The following PLCE1 variants were observed in gnomAD, a reference collection of about 807,000 sequenced individuals.
The protein encoded by PLCE1 is phospholipase C epsilon 1.
A neutral mutation model predicts 242.8 loss-of-function variants in PLCE1; 119 were observed. The ratio of observed to expected loss-of-function variants is 0.49; its 90% CI spans 0.42 to 0.57. The LOEUF is 0.57. Among genes scored for constraint, PLCE1 ranks in the 20% least tolerant of loss-of-function variants. PLCE1 has a pLI of 0.00. For synonymous variants in PLCE1, 945 were observed against 1,017.4 expected, an observed-to-expected ratio of 0.93 and a Z score of 1.35; for missense variants, 2,441 against 2,788.8, an observed-to-expected ratio of 0.88 and a Z score of 2.81.
intron 2 of PLCE1, among the ~76,000 whole-genome samples, chr10:94,099,011 T>C (rs1180516347): frequency 1.3e-5 from 2 of 152,178 alleles, no homozygotes; most frequent in Non-Finnish European, 2.9e-5. Context: ...GGAAGTGCCT[T>C]TGCTTGGCTC....
intron 14 of PLCE1, among the ~76,000 whole-genome samples, chr10:94,263,061 G>A (rs1253046510): frequency 2.0e-5 from 3 of 151,914 alleles, no homozygotes; most frequent in South Asian, 2.1e-4. Context: ...TAGTAGAGAT[G>A]GGGTTTCACC....
At chr10:94,217,741 C>G (rs1306774474) in intron 4 of PLCE1, among the ~76,000 whole-genome samples, 1 of 152,160 alleles carries the variant, frequency 6.6e-6, no homozygotes, top group African/African-American at 2.4e-5. Flanking sequence ...AACCCAATTT[C>G]TGAGTACAGT....
chr10:94,057,521 G>A (rs2043940454), intron 2 of PLCE1, among the ~76,000 whole-genome samples: 1 of 152,152 alleles, frequency 6.6e-6, no homozygotes, highest in African/African-American at 2.4e-5. Flanking sequence ...TGTAGAGGTA[G>A]AGTTATGGGG....
intron 2 of PLCE1, among the ~76,000 whole-genome samples, chr10:94,123,963 C>A (rs947877453): frequency 1.3e-5 from 2 of 151,892 alleles, no homozygotes; most frequent in African/African-American, 4.8e-5. Flanking sequence ...GTCACTAATG[C>A]GAAATGGCAG....
chr10:94,079,568 T>C (rs1410059009), intron 2 of PLCE1, among the ~76,000 whole-genome samples: 3 of 152,126 alleles, frequency 2.0e-5, no homozygotes. Flanking sequence ...CTGTACGTTC[T>C]GCACATGTAT....
chr10:94,190,187 G>C lies in PLCE1; in HGVS notation c.1809+18691G>C, dbSNP rs374910353. On this transcript the variant is annotated intron_variant, in intron 4 of 32. Transcript: ENST00000371380. ...CCCAGCTACTCAGGAGGCTGAGGTG[G>C]GAGGATGGCTTGTGCCCAGGAGGCA... is the stretch of plus-strand genomic sequence containing the variant. Among the ~76,000 whole-genome samples, 38 of 152,316 alleles carry C rather than the reference G, an allele frequency of 2.5e-4. 2 individuals are homozygous for C. The East Asian group carries it at 3.9e-3, about 15-fold the overall frequency.
At chr10:94,264,956 T>C (rs1402330444) in intron 14 of PLCE1, among the ~76,000 whole-genome samples, 1 of 152,220 alleles carries the variant, frequency 6.6e-6, no homozygotes. Flanking sequence ...AGTAAGACCC[T>C]GTCTCTAAAA....
At chr10:94,008,370 A>G (rs1247890054) in intron 1 of PLCE1, among the ~76,000 whole-genome samples, 2 of 152,064 alleles carry the variant, frequency 1.3e-5, no homozygotes, top group Non-Finnish European at 2.9e-5. Flanking sequence ...GTGCAGTGGC[A>G]TGATCTCAGC....
At chr10:94,300,779 G>T (rs1032290564) in intron 24 of PLCE1, among the ~76,000 whole-genome samples, 9 of 152,182 alleles carry the variant, frequency 5.9e-5, no homozygotes, top group African/African-American at 2.2e-4. Flanking sequence ...AGATAGATAA[G>T]GCCAGGTGCA....
intron 4 of PLCE1, among the ~76,000 whole-genome samples, chr10:94,184,120 C>T (rs2048395136): frequency 6.6e-6 from 1 of 152,162 alleles, no homozygotes; most frequent in Admixed American, 6.5e-5. Context: ...TGAAACCAGC[C>T]ATCATTGCAC....
At chr10:94,042,594 C>A (rs1459110388) in intron 2 of PLCE1, among the ~76,000 whole-genome samples, 2 of 152,132 alleles carry the variant, frequency 1.3e-5, no homozygotes, top group African/African-American at 4.8e-5. Context: ...AGTCCCTGAG[C>A]TCTTTTTTTT....
chr10:94,304,793 A>G (rs2133615586), intron 25 of PLCE1, 148 bp downstream of exon 25: 15 of 780,812 alleles, frequency 1.9e-5, no homozygotes, highest in South Asian at 1.1e-4. Context: ...TTTATTTTCC[A>G]GGAAGCAGTA....
At chr10:94,172,277 G>A (rs901956719) in intron 4 of PLCE1, among the ~76,000 whole-genome samples, 1 of 152,118 alleles carries the variant, frequency 6.6e-6, no homozygotes, top group Non-Finnish European at 1.5e-5. Flanking sequence ...GGGCTTAAAA[G>A]GCACTTTCTC....
Position 94,328,737 on chromosome 10 carries a change from ACTC to A in PLCE1, c.*798_*800del, listed in dbSNP as rs965111510. On this transcript the variant is annotated 3_prime_UTR_variant, in exon 33 of 33. Coordinates refer to ENST00000371380, the MANE Select transcript of PLCE1 (RefSeq NM_016341.4). ...GTTCCTGTATTGTGTACCACAGTGC[ACTC>A]CTCTTTAGGATTTTTTTACATATAG... is the stretch of plus-strand genomic sequence containing the variant. The A allele has an allele frequency of 6.6e-6, 1 of 151,678 alleles. No homozygotes were observed. The highest frequency in any genetic ancestry group is 2.4e-5 in the African/African-American group (1 of 41,232). 9.4% of individuals were successfully genotyped at this position (151,678 alleles called of 1,614,324 possible). A position where few individuals can be genotyped will look rare whatever the true frequency, so the allele number is the denominator to read the frequency against.
intron 2 of PLCE1, chr10:94,105,924 G>A (rs976446492): frequency 6.6e-6 from 1 of 152,006 alleles, no homozygotes; most frequent in Non-Finnish European, 1.5e-5. Context: ...CTTTTTATGA[G>A]TGTTAACTCG....
intron 2 of PLCE1, among the ~76,000 whole-genome samples, chr10:94,128,228 C>A (rs1274038527): frequency 1.3e-5 from 2 of 152,104 alleles, no homozygotes; most frequent in African/African-American, 4.8e-5. Flanking sequence ...CCTTGTGATC[C>A]ACCCACTTCT....
At chr10:94,223,692 T>G (rs2049841365) in intron 4 of PLCE1, among the ~76,000 whole-genome samples, 1 of 151,892 alleles carries the variant, frequency 6.6e-6, no homozygotes. Flanking sequence ...CTGGGAGAGG[T>G]GCTTAAAGAA....
chr10:94,119,754 C>T (rs1203710139), intron 2 of PLCE1, among the ~76,000 whole-genome samples: 5 of 152,148 alleles, frequency 3.3e-5, no homozygotes, highest in African/African-American at 9.7e-5. Context: ...GCTTACCTTC[C>T]CTGATGCTCA....
intron 5 of PLCE1, among the ~76,000 whole-genome samples, chr10:94,230,050 A>G (rs962083197): frequency 6.7e-6 from 1 of 149,714 alleles, no homozygotes; most frequent in Non-Finnish European, 1.5e-5. Context: ...GATTTTTTTT[A>G]TTTTTTAAGC....
Sources: allele counts gnomAD v4.1 joint callset (sites outside exome capture counted in the v4.1 genomes callset), GRCh38; gene constraint gnomAD v4.1.1; transcripts MANE v1.5; gene names NCBI Gene and HGNC (gene_info 2026-07-23, HGNC 2026-07-21).